CSMD3: variants seen among roughly 807,000 people sequenced by gnomAD.
CSMD3 encodes CUB and sushi domain-containing protein 3.
CSMD3 carries 177 observed loss-of-function variants against 435.2 expected under a neutral mutation model. The ratio of observed to expected loss-of-function variants is 0.41; its 90% CI spans 0.36 to 0.46. CSMD3 has a LOEUF of 0.46. Among genes scored for constraint, CSMD3 ranks in the 20% least tolerant of loss-of-function variants. The pLI is 0.34. For missense variants in CSMD3, 4,265 were observed against 4,504.6 expected (o/e 0.95, Z 1.52); for synonymous variants, 1,656 against 1,520.5 (o/e 1.09, Z -2.07).
chr8:112,674,824 T>G (rs1230911749), intron 16 of CSMD3, among the ~76,000 whole-genome samples: 1 of 152,120 alleles, frequency 6.6e-6, no homozygotes, highest in Non-Finnish European at 1.5e-5. Flanking sequence ...TTTCCCTCAA[T>G]TTGGCTTGAA....
chr8:113,150,856 C>A (rs768325014), intron 4 of CSMD3, among the ~76,000 whole-genome samples: 1 of 151,898 alleles, frequency 6.6e-6, no homozygotes, highest in Non-Finnish European at 1.5e-5. Flanking sequence ...GAACTGACAT[C>A]GTTCTTTCGG....
chr8:113,092,712 T>C (rs1056304774), intron 5 of CSMD3, among the ~76,000 whole-genome samples: 6 of 152,190 alleles, frequency 3.9e-5, no homozygotes, highest in Admixed American at 3.9e-4. Flanking sequence ...AGATATGATC[T>C]TGGGAATGAA....
chr8:112,766,101 C>T (rs1237216548), intron 13 of CSMD3, among the ~76,000 whole-genome samples: 2 of 151,668 alleles, frequency 1.3e-5, no homozygotes, highest in Admixed American at 6.6e-5. Flanking sequence ...GAAAAGGTCT[C>T]ACTTCTCTCT....
At chr8:113,049,158 G>C (rs1158095459) in intron 5 of CSMD3, among the ~76,000 whole-genome samples, 1 of 152,152 alleles carries the variant, frequency 6.6e-6, no homozygotes, top group Non-Finnish European at 1.5e-5. Flanking sequence ...AGAATCACTT[G>C]AACCTGGGAG....
intron 5 of CSMD3, among the ~76,000 whole-genome samples, chr8:113,053,456 T>C (rs1396600723): frequency 6.6e-6 from 1 of 152,074 alleles, no homozygotes; most frequent in Non-Finnish European, 1.5e-5. Flanking sequence ...TAAATAATTA[T>C]ATGTGCATGT....
At chr8:112,829,335 A>G (rs2079794552) in intron 12 of CSMD3, among the ~76,000 whole-genome samples, 1 of 152,184 alleles carries the variant, frequency 6.6e-6, no homozygotes, top group South Asian at 2.1e-4. Context: ...AAAAGACCCT[A>G]TTTTGAGAAG....
chr8:112,481,127 A>G (rs1231885876), intron 31 of CSMD3, among the ~76,000 whole-genome samples: 3 of 152,310 alleles, frequency 2.0e-5, no homozygotes, highest in East Asian at 1.9e-4. Flanking sequence ...AAGGTATCCA[A>G]TCATCCACTG....
At chr8:113,113,020 T>G (rs1386807944) in intron 4 of CSMD3, among the ~76,000 whole-genome samples, 1 of 152,214 alleles carries the variant, frequency 6.6e-6, no homozygotes. Flanking sequence ...CACAGCTGAC[T>G]GTGCCACCTT....
chr8:112,947,983 C>T (rs1027846192), intron 8 of CSMD3, 106 bp from the exon 9 acceptor site: 3 of 619,840 alleles, frequency 4.8e-6, no homozygotes, highest in African/African-American at 1.8e-5. Context: ...TATTTTGTCA[C>T]TATAATCACT....
rs1554791157 is a variant in CSMD3, at chr8:113,153,101, A to AAAAG, written c.709+20617_709+20620dup. Among the ~76,000 whole-genome samples the AAAAG allele has an allele frequency of 2.3e-3, 231 of 100,046 alleles. 4 individuals carry two copies. The highest frequency in any genetic ancestry group is 4.3e-3 in the Middle Eastern group (1 of 230). The allele number at this position is 100,046 out of a possible 152,430, so 65.6% of individuals were successfully genotyped here. ...AAAAGAAAGAAAGAAAGAAAGAAAG[A>AAAAG]AAAGAAAGAAAGAAAGAAAGAAAGA... On this transcript the variant is annotated intron_variant, in intron 4 of 70. Coordinates refer to ENST00000297405, the MANE Select transcript of CSMD3 (RefSeq NM_198123.2).
At chr8:112,587,478 T>C (rs771593031) in intron 22 of CSMD3, among the ~76,000 whole-genome samples, 8 of 151,758 alleles carry the variant, frequency 5.3e-5, no homozygotes, top group Non-Finnish European at 1.2e-4. Flanking sequence ...TTGTAGTAAT[T>C]TTCCCCCTGG....
intron 4 of CSMD3, among the ~76,000 whole-genome samples, chr8:113,146,756 C>T (rs544622374): frequency 6.6e-5 from 10 of 151,384 alleles, no homozygotes; most frequent in East Asian, 3.9e-4. Context: ...GCCATATACA[C>T]GAAAACATAT....
intron 3 of CSMD3, among the ~76,000 whole-genome samples, chr8:113,219,602 T>C (rs2092944224): frequency 6.6e-6 from 1 of 151,432 alleles, no homozygotes; most frequent in Non-Finnish European, 1.5e-5. Context: ...GATAGCTATT[T>C]AGAAAAAGGT....
chr8:112,290,970 C>T (rs944498379), intron 56 of CSMD3, among the ~76,000 whole-genome samples: 1 of 151,968 alleles, frequency 6.6e-6, no homozygotes, highest in African/African-American at 2.4e-5. Context: ...CATTCTACAA[C>T]TCCTATCATA....
rs1183535515 is a variant in CSMD3 at position 112,292,727 on chromosome 8, G to C, written c.8615-17C>G. 6.2e-7 allele frequency: 1 copy of C among 1,610,502 alleles called. No homozygotes were observed. The highest frequency in any genetic ancestry group is 8.5e-7 in the Non-Finnish European group (1 of 1,176,878). On this transcript the variant is annotated splice_polypyrimidine_tract_variant and intron_variant, in intron 54 of 70. Transcript: ENST00000297405. ...AGCTAACAGCTAATAAGATGTGGCA[G>C]GAGGACAGGGAAGGAAACACAGAAA...
intron 32 of CSMD3, among the ~76,000 whole-genome samples, chr8:112,456,165 G>A (rs184763426): frequency 1.3e-3 from 192 of 152,252 alleles, no homozygotes; most frequent in Middle Eastern, 0.01. Context: ...GAAGAAAAAT[G>A]AGCAGTAGAG....
At chr8:113,284,118 A>G (rs1419593035) in intron 2 of CSMD3, among the ~76,000 whole-genome samples, 2 of 152,102 alleles carry the variant, frequency 1.3e-5, no homozygotes, top group Non-Finnish European at 2.9e-5. Context: ...AAAAGAACAC[A>G]GATATAGTAC....
At chr8:112,426,569 T>C (rs1247448126) in intron 32 of CSMD3, among the ~76,000 whole-genome samples, 2 of 152,152 alleles carry the variant, frequency 1.3e-5, no homozygotes, top group Non-Finnish European at 2.9e-5. Context: ...GACTATCTGA[T>C]CTTCTTAGCT....
chr8:112,275,764 T>C (rs1282951161), intron 59 of CSMD3, among the ~76,000 whole-genome samples: 2 of 152,128 alleles, frequency 1.3e-5, no homozygotes, highest in African/African-American at 4.8e-5. Context: ...ACCACCTCCA[T>C]GATTCAATTA....
Sources: allele counts gnomAD v4.1 joint callset (sites outside exome capture counted in the v4.1 genomes callset), GRCh38; gene constraint gnomAD v4.1.1; transcripts MANE v1.5; gene names NCBI Gene and HGNC (gene_info 2026-07-23, HGNC 2026-07-21).